The following COL24A1 variants were observed in gnomAD, a reference collection of about 807,000 sequenced individuals.
The protein encoded by COL24A1 is collagen type XXIV alpha 1 chain, also known as collagen alpha-1(XXIV) chain.
In COL24A1, 224 loss-of-function variants were observed where a neutral mutation model predicts 253.9. The ratio of observed to expected loss-of-function variants is 0.88; its 90% CI spans 0.79 to 0.99. COL24A1 has a LOEUF of 0.99. COL24A1 is among the 50% of genes least tolerant of loss of function. The pLI is 0.00. For synonymous variants in COL24A1, 685 were observed against 673.7 expected (o/e 1.02, Z -0.26); for missense variants, 2,131 against 2,068.5 (o/e 1.03, Z -0.59).
At chr1:86,111,029 G>C (rs1335243202) in intron 5 of COL24A1, among the ~76,000 whole-genome samples, 1 of 152,222 alleles carries the variant, frequency 6.6e-6, no homozygotes, top group Non-Finnish European at 1.5e-5. Context: ...GTGGGGACTT[G>C]GAGAACTTTA....
intron 24 of COL24A1, among the ~76,000 whole-genome samples, chr1:85,954,963 A>T (rs917251288): frequency 2.0e-4 from 31 of 152,170 alleles, no homozygotes; most frequent in African/African-American, 7.2e-4. Context: ...GGTAGGTCCC[A>T]CTAAAACTAG....
At chr1:85,849,900 T>C (rs562837911) in intron 37 of COL24A1, among the ~76,000 whole-genome samples, 1 of 152,224 alleles carries the variant, frequency 6.6e-6, no homozygotes, top group East Asian at 1.9e-4. Context: ...GTACAGAGTA[T>C]AAAATACATC....
rs1673877527 is a variant in COL24A1, at chr1:85,823,531, C to T, written c.3789+5G>A. Reference sequence around the variant, plus strand: ...CTCAAATTGCCTTAAATAATTTCAACTTACTTCAGATCCTCTCTCTCCTTT... The same window carrying T: ...CTCAAATTGCCTTAAATAATTTCAATTTACTTCAGATCCTCTCTCTCCTTT... On this transcript the variant is annotated splice_donor_5th_base_variant and intron_variant, in intron 45 of 59. Transcript: ENST00000370571. 3 of 1,613,758 alleles carry T rather than the reference C, an allele frequency of 1.9e-6. No individual in the cohort carries two copies. Among genetic ancestry groups the T allele is most frequent in the East Asian group, 2.2e-5 (1 of 44,856 alleles).
At chr1:85,953,072 T>C (rs1044566365) in intron 24 of COL24A1, among the ~76,000 whole-genome samples, 2 of 152,154 alleles carry the variant, frequency 1.3e-5, no homozygotes, top group African/African-American at 4.8e-5. Context: ...CAACAAGCAA[T>C]GTATTCTCCA....
chr1:86,139,177 A>G (rs1251682204), intron 2 of COL24A1, among the ~76,000 whole-genome samples: 1 of 20,606 alleles, frequency 4.9e-5, no homozygotes, highest in Non-Finnish European at 1.1e-3. Flanking sequence ...GGAGAAGGAG[A>G]AAGGGGGGGG....
At chr1:85,910,026 A>AT in intron 25 of COL24A1, 23 bp from the exon 26 acceptor site, 1 of 1,586,834 alleles carries the variant, frequency 6.3e-7, no homozygotes. Context: ...CAAAGAAAAA[A>AT]GAGTAACATA....
At chr1:86,036,890 T>C (rs1342854724) in intron 12 of COL24A1, among the ~76,000 whole-genome samples, 1 of 152,188 alleles carries the variant, frequency 6.6e-6, no homozygotes, top group African/African-American at 2.4e-5. Flanking sequence ...TTCCTAAAAA[T>C]ACTCTCACGT....
intron 12 of COL24A1, among the ~76,000 whole-genome samples, chr1:86,037,700 G>C (rs573860010): frequency 3.9e-5 from 6 of 152,228 alleles, no homozygotes; most frequent in African/African-American, 1.4e-4. Context: ...CTAGATTCCT[G>C]ACCCATGAAA....
At chr1:85,975,238 T>A (rs1692547970) in intron 20 of COL24A1, among the ~76,000 whole-genome samples, 1 of 152,160 alleles carries the variant, frequency 6.6e-6, no homozygotes, top group African/African-American at 2.4e-5. Flanking sequence ...AACTACCATA[T>A]GATTTAGCAA....
At chr1:86,050,757 T>C (rs1559124849) in intron 10 of COL24A1, among the ~76,000 whole-genome samples, 1 of 152,158 alleles carries the variant, frequency 6.6e-6, no homozygotes, top group Non-Finnish European at 1.5e-5. Context: ...ATATGTTAGC[T>C]TTATGTGTAA....
chr1:85,744,757 T>C lies in COL24A1; in HGVS notation c.4581A>G (p.Leu1527=). ...CAAGAGGATTCTTGATGCTGTGCAA[T>C]AAATTGCTAAGGTAGTTCAGGGTTT... The part of the protein sequence containing the change: ...IFKTLNYLSN[L]LHSIKNPLGT... Residue 1527 remains leucine, a synonymous_variant, in exon 57 of 60, where the codon TTA becomes TTG. Coordinates refer to ENST00000370571, the MANE Select transcript of COL24A1 (RefSeq NM_152890.7). 1 of 1,610,278 alleles carries C rather than the reference T, an allele frequency of 6.2e-7. No individual in the cohort carries two copies. Among genetic ancestry groups the C allele is most frequent in the African/African-American group, 1.4e-5 (1 of 73,722 alleles).
chr1:85,735,107 T>C, intron 58 of COL24A1, 143 bp from the exon 59 acceptor site: 1 of 693,258 alleles, frequency 1.4e-6, no homozygotes, highest in African/African-American at 1.8e-5. Context: ...AGTGGTGTGC[T>C]GGTAAATGTT....
chr1:86,143,739 T>G (rs1393727565), intron 2 of COL24A1, among the ~76,000 whole-genome samples: 6 of 152,008 alleles, frequency 3.9e-5, no homozygotes, highest in African/African-American at 1.4e-4. Context: ...GGGACACTGC[T>G]TTTTGCTATA....
chr1:85,996,496 C>CGAA (rs1553253949), intron 19 of COL24A1, among the ~76,000 whole-genome samples: 1 of 150,562 alleles, frequency 6.6e-6, no homozygotes, highest in Non-Finnish European at 1.5e-5. Context: ...ACCAACATGG[C>CGAA]ATGGTGGTGG....
intron 5 of COL24A1, among the ~76,000 whole-genome samples, chr1:86,102,074 T>C (rs911171476): frequency 7.7e-6 from 1 of 130,570 alleles, no homozygotes; most frequent in Non-Finnish European, 1.7e-5. Flanking sequence ...GTGCTCATTT[T>C]TGGTCTGTTA....
intron 19 of COL24A1, among the ~76,000 whole-genome samples, chr1:86,010,102 G>A (rs1696356913): frequency 6.6e-6 from 1 of 152,022 alleles, no homozygotes; most frequent in African/African-American, 2.4e-5. Context: ...TATAAAAAAG[G>A]AAACTAGTCA....
At chr1:85,962,870 A>G (rs566031608) in intron 23 of COL24A1, among the ~76,000 whole-genome samples, 67 of 152,284 alleles carry the variant, frequency 4.4e-4, no homozygotes, top group Non-Finnish European at 7.8e-4. Flanking sequence ...CAATAATGAC[A>G]TGTGGCTACT....
intron 19 of COL24A1, among the ~76,000 whole-genome samples, chr1:86,012,495 A>G (rs1027764081): frequency 5.9e-5 from 9 of 152,212 alleles, no homozygotes; most frequent in Non-Finnish European, 8.8e-5. Flanking sequence ...AGGCTGAGGC[A>G]GGAGAATTGC....
intron 24 of COL24A1, among the ~76,000 whole-genome samples, chr1:85,955,061 C>A (rs76414020): frequency 6.6e-6 from 1 of 152,258 alleles, no homozygotes; most frequent in African/African-American, 2.4e-5. Flanking sequence ...CTAGGATGGC[C>A]CACCATGCTC....
Sources: allele counts gnomAD v4.1 joint callset (sites outside exome capture counted in the v4.1 genomes callset), GRCh38; gene constraint gnomAD v4.1.1; transcripts MANE v1.5; gene names NCBI Gene and HGNC (gene_info 2026-07-23, HGNC 2026-07-21).